The following RPTOR variants were observed in gnomAD, a reference collection of about 807,000 sequenced individuals.
The protein encoded by RPTOR is regulatory associated protein of MTOR complex 1, also known as regulatory-associated protein of mTOR.
A neutral mutation model predicts 169.9 loss-of-function variants in RPTOR; 21 were observed. The observed-to-expected ratio is 0.12, with a 90% CI of 0.09 to 0.18. RPTOR has a LOEUF of 0.18. RPTOR is among the 10% of genes least tolerant of loss of function. The pLI, the probability that RPTOR is intolerant of heterozygous loss-of-function variation, is 1.00. For synonymous variants in RPTOR, 732 were observed against 753.2 expected (o/e 0.97, Z 0.46); for missense variants, 1,133 against 1,855.9 (o/e 0.61, Z 7.16).
At chr17:80,733,636 C>T (rs972955617) in intron 5 of RPTOR, among the ~76,000 whole-genome samples, 6 of 152,154 alleles carry the variant, frequency 3.9e-5, no homozygotes, top group Non-Finnish European at 7.4e-5. Flanking sequence ...CCATTAAGTT[C>T]TGTTTAAAGA....
chr17:80,899,677 G>A (rs541069616), intron 20 of RPTOR, among the ~76,000 whole-genome samples: 4 of 152,354 alleles, frequency 2.6e-5, no homozygotes, highest in Admixed American at 2.0e-4. Flanking sequence ...CTGCCAGTGT[G>A]GTGCAAAAGT....
chr17:80,610,598 T>C (rs1021845160), intron 1 of RPTOR, among the ~76,000 whole-genome samples: 1 of 152,090 alleles, frequency 6.6e-6, no homozygotes, highest in African/African-American at 2.4e-5. Context: ...CGGGTGCTTC[T>C]TGCTGGGCGG....
chr17:80,863,462 A>G (rs2067943750), intron 13 of RPTOR, among the ~76,000 whole-genome samples: 1 of 152,266 alleles, frequency 6.6e-6, no homozygotes. Flanking sequence ...AGGCCAGGAC[A>G]TTAAAAAGTT....
At chr17:80,734,686 G>T (rs551158502) in intron 5 of RPTOR, among the ~76,000 whole-genome samples, 1 of 152,230 alleles carries the variant, frequency 6.6e-6, no homozygotes, top group South Asian at 2.1e-4. Context: ...TTGGGAGGCA[G>T]GAGGAAATGG....
At chr17:80,827,208 A>G (rs577830827) in intron 9 of RPTOR, among the ~76,000 whole-genome samples, 1 of 152,376 alleles carries the variant, frequency 6.6e-6, no homozygotes, top group South Asian at 2.1e-4. Context: ...CTGCTTAGTA[A>G]TAGGAGTTCC....
At chr17:80,630,754 G>T (rs2065435872) in intron 2 of RPTOR, among the ~76,000 whole-genome samples, 2 of 152,216 alleles carry the variant, frequency 1.3e-5, no homozygotes, top group Admixed American at 6.5e-5. Context: ...ATTAGGGTGG[G>T]TACAGGCAGG....
intron 1 of RPTOR, among the ~76,000 whole-genome samples, chr17:80,566,553 G>T (rs144016413): frequency 6.6e-6 from 1 of 152,184 alleles, no homozygotes; most frequent in East Asian, 1.9e-4. Flanking sequence ...GGGTGCGGTG[G>T]CTCACGCCTG....
chr17:80,634,298 T>TGTGCGTACTGTGTGTGTGCATACTGTGC (rs2065470633), intron 2 of RPTOR, among the ~76,000 whole-genome samples: 1 of 107,620 alleles, frequency 9.3e-6, no homozygotes, highest in African/African-American at 3.8e-5. Flanking sequence ...GCGTACTGTG[T>TGTGCGTACTGTGTGTGTGCATACTGTGC]GTGTGCGTAC....
intron 9 of RPTOR, 38 bp from the exon 10 acceptor site, chr17:80,837,884 C>T (rs771509965): frequency 6.3e-7 from 1 of 1,584,836 alleles, no homozygotes; most frequent in East Asian, 2.3e-5. Flanking sequence ...GGAAGCCCGT[C>T]CATAATGCTC....
chr17:80,904,066 G>T (rs146394307), intron 20 of RPTOR, among the ~76,000 whole-genome samples: 135 of 152,334 alleles, frequency 8.9e-4, no homozygotes, highest in African/African-American at 3.2e-3. Flanking sequence ...CGATGCAGAC[G>T]CACCGCCCAC....
chr17:80,896,440 G>A (rs1225185946), intron 20 of RPTOR, among the ~76,000 whole-genome samples: 14 of 92,742 alleles, frequency 1.5e-4, no homozygotes, highest in African/African-American at 2.8e-4. Context: ...AACACCCCAC[G>A]GCCATGCCGA....
chr17:80,937,218 G>T (rs918978362), intron 24 of RPTOR, among the ~76,000 whole-genome samples: 7 of 152,258 alleles, frequency 4.6e-5, no homozygotes, highest in African/African-American at 1.4e-4. Context: ...TTTCCCATGG[G>T]TGCCTCTCCC....
At chr17:80,925,040 G>A (rs2068794489) in intron 23 of RPTOR, among the ~76,000 whole-genome samples, 1 of 152,196 alleles carries the variant, frequency 6.6e-6, no homozygotes, top group Non-Finnish European at 1.5e-5. Context: ...CTTTTTGGGG[G>A]TTGATAAACC....
intron 5 of RPTOR, among the ~76,000 whole-genome samples, chr17:80,733,802 G>A (rs1468055032): frequency 2.0e-5 from 3 of 152,222 alleles, no homozygotes; most frequent in African/African-American, 2.4e-5. Context: ...GCCTTCTTGC[G>A]TTCCCTCTTA....
In RPTOR at chr17:80,708,704, A is replaced by G. The variant is rs548912504; in HGVS notation, c.507+705A>G. Among the ~76,000 whole-genome samples the G allele has an allele frequency of 1.3e-5, 2 of 151,744 alleles. No individual in the cohort carries two copies. The highest frequency in any genetic ancestry group is 3.9e-4 in the East Asian group (2 of 5,154). On this transcript the variant is annotated intron_variant, in intron 4 of 33. Coordinates refer to ENST00000306801, the MANE Select transcript of RPTOR (RefSeq NM_020761.3). The surrounding 1 kb of genome is among the most constrained non-coding windows in gnomAD (Gnocchi z 4.2). ...TGTGGTGGGTGCTGACTGTCTCCCCATCCTCCAGGGTGGGAACCTTGGTCT... is the reference window on the plus strand; with the variant it reads ...TGTGGTGGGTGCTGACTGTCTCCCCGTCCTCCAGGGTGGGAACCTTGGTCT...
At chr17:80,917,116 AT>A (rs35518986) in intron 21 of RPTOR, among the ~76,000 whole-genome samples, 50 of 144,832 alleles carry the variant, frequency 3.5e-4, no homozygotes, top group Non-Finnish European at 3.5e-4. Flanking sequence ...GATAGGTTTC[AT>A]TTTTTTTTTT....
chr17:80,609,988 G>A lies in RPTOR; in HGVS notation c.163-15703G>A, dbSNP rs1041795994. Among the ~76,000 whole-genome samples, 5 of 152,164 alleles carry A rather than the reference G, an allele frequency of 3.3e-5. No homozygotes were observed. ...GGCCTTCCAGCAAGTCGGTTCTCAC[G>A]TCAAGGGCATGTCCTGAGGGTTATG... On this transcript the variant is annotated intron_variant, in intron 1 of 33. Coordinates refer to ENST00000306801, the MANE Select transcript of RPTOR (RefSeq NM_020761.3). The surrounding 1 kb of genome is among the most constrained non-coding windows in gnomAD (Gnocchi z 4.8).
rs543638747 is a variant in RPTOR, at chr17:80,607,276, CTG to C, written c.163-18413_163-18412del. Reference sequence around the variant, plus strand: ...AAAACTATTTAAACATTTTATTACTCTGTAGCTGTTGGCAGTACCAGATTTTA... The same window carrying C: ...AAAACTATTTAAACATTTTATTACTCTAGCTGTTGGCAGTACCAGATTTTA... On this transcript the variant is annotated intron_variant, in intron 1 of 33. Coordinates refer to ENST00000306801, the MANE Select transcript of RPTOR (RefSeq NM_020761.3). Among the ~76,000 whole-genome samples the C allele has an allele frequency of 2.0e-3, 307 of 152,298 alleles. 2 individuals carry two copies. The highest frequency in any genetic ancestry group is 3.4e-3 in the Non-Finnish European group (228 of 68,018).
In RPTOR at chr17:80,695,930, C is replaced by A. The variant is rs2066032630; in HGVS notation, c.349-11911C>A. 6.6e-6 allele frequency among the ~76,000 whole-genome samples: 1 copy of A among 152,180 alleles called. No homozygotes were observed. The highest frequency in any genetic ancestry group is 1.5e-5 in the Non-Finnish European group (1 of 68,036). On this transcript the variant is annotated intron_variant, in intron 3 of 33. Transcript: ENST00000306801. The surrounding 1 kb of genome is among the most constrained non-coding windows in gnomAD (Gnocchi z 4.9). ...GAGCTGGCTTTGATCTACCCCGGAC[C>A]CATCTTTCTGTGAAGAGTTTGCAGA... is the stretch of plus-strand genomic sequence containing the variant.
Sources: gnomAD v4.1 joint callset for allele counts (sites outside exome capture counted in the v4.1 genomes callset) on GRCh38, gnomAD v4.1.1 for gene constraint, Gnocchi (gnomAD v3.1) non-coding constraint, MANE v1.5 for transcripts, NCBI Gene and HGNC (gene_info 2026-07-23, HGNC 2026-07-21) for gene names.